The following ISM1 variants were observed in gnomAD, a reference collection of about 807,000 sequenced individuals.
ISM1 encodes the protein isthmin 1.
Under a neutral mutation model 46.3 loss-of-function variants are expected in ISM1, and 25 were observed. The observed-to-expected ratio is 0.54, with a 90% CI of 0.39 to 0.75. The LOEUF is 0.75. ISM1 is among the 30% of genes least tolerant of loss of function. ISM1 has a pLI of 0.00. For missense variants in ISM1, 536 were observed against 625.4 expected, an observed-to-expected ratio of 0.86 and a Z score of 1.52; for synonymous variants, 255 against 256.7, an observed-to-expected ratio of 0.99 and a Z score of 0.06.
chr20:13,300,550 A>G lies in ISM1; in HGVS notation c.*1091A>G, dbSNP rs1166628313. ...GCAATTGTTAATATGACCTGGTCCT[A>G]TGGGGTAGAACTTAGGAAAAATAAA... On this transcript the variant is annotated 3_prime_UTR_variant, in exon 6 of 6. Coordinates refer to ENST00000262487, the MANE Select transcript of ISM1 (RefSeq NM_080826.2). 3 of 152,148 alleles carry G rather than the reference A, an allele frequency of 2.0e-5. No individual in the cohort carries two copies. The highest frequency in any genetic ancestry group is 7.2e-5 in the African/African-American group (3 of 41,438). The allele number at this position is 152,148 out of a possible 1,614,324, so 9.4% of individuals were successfully genotyped here.
At chr20:13,283,591 G>A (rs1299553348) in intron 3 of ISM1, among the ~76,000 whole-genome samples, 1 of 152,216 alleles carries the variant, frequency 6.6e-6, no homozygotes, top group Non-Finnish European at 1.5e-5. Flanking sequence ...ATGAGATGAT[G>A]CTGTGAGTCA....
intron 3 of ISM1, among the ~76,000 whole-genome samples, chr20:13,284,304 G>C (rs969662805): frequency 2.6e-5 from 4 of 152,152 alleles, no homozygotes; most frequent in African/African-American, 9.7e-5. Context: ...ACTAAGAAAG[G>C]ACTACTTTAA....
In ISM1 at chr20:13,299,250, A is replaced by AG; in HGVS notation, c.1190dup (p.Lys398GlnfsTer32). 1 of 1,605,240 alleles carries AG rather than the reference A, an allele frequency of 6.2e-7. No individual in the cohort carries two copies. The highest frequency in any genetic ancestry group is 8.5e-7 in the Non-Finnish European group (1 of 1,175,710). On this transcript the variant is annotated frameshift_variant, in exon 6 of 6. Transcript: ENST00000262487. LOFTEE classifies it high-confidence loss of function. This position sits in a 1 kb window ranked among gnomAD's most constrained non-coding sequence, Gnocchi z 5.8. ...CGGCGACAACATGCAGCTCATCACCAGGGGCAAGGGGGCGGGCACGCCCAA... is the reference window on the plus strand; with the variant it reads ...CGGCGACAACATGCAGCTCATCACCAGGGGGCAAGGGGGCGGGCACGCCCAA...
At chr20:13,253,113 T>A (rs1030119274) in intron 1 of ISM1, among the ~76,000 whole-genome samples, 3 of 152,218 alleles carry the variant, frequency 2.0e-5, no homozygotes, top group African/African-American at 7.2e-5. Flanking sequence ...TTTGGGGTAC[T>A]TGCTACCCAA....
intron 1 of ISM1, among the ~76,000 whole-genome samples, chr20:13,231,587 T>C (rs1006620307): frequency 2.0e-5 from 3 of 152,200 alleles, no homozygotes; most frequent in Non-Finnish European, 4.4e-5. Flanking sequence ...TGGAAAGTTA[T>C]TTTTGTAAAC....
chr20:13,272,007 G>A (rs181382022), intron 2 of ISM1, among the ~76,000 whole-genome samples: 3 of 152,086 alleles, frequency 2.0e-5, no homozygotes, highest in Admixed American at 1.3e-4. Context: ...TCAAACTCCT[G>A]GGCTCAAGCG....
chr20:13,272,195 G>C (rs980252753), intron 2 of ISM1, among the ~76,000 whole-genome samples: 9 of 152,106 alleles, frequency 5.9e-5, no homozygotes, highest in Non-Finnish European at 1.0e-4. Flanking sequence ...TCCTGAACTT[G>C]GACTCAGACC....
rs184602094 is a variant in ISM1 at position 13,279,828 on chromosome 20, C to T, written c.573C>T (p.Asn191=). ...CCTCAGACGACAGCAACTTCCTCAA[C>T]CCCCCCAGGGGGTGGGACCATACAG... The part of the protein sequence containing the change: ...DSTSDDSNFL[N]PPRGWDHTAP... The change falls in exon 3 of 6, where the codon AAC becomes AAT. Residue 191 remains asparagine (N), a synonymous_variant. Coordinates refer to ENST00000262487, the MANE Select transcript of ISM1 (RefSeq NM_080826.2). The T allele has an allele frequency of 2.6e-5, 42 of 1,613,302 alleles. No individual in the cohort carries two copies. In the African/African-American group the frequency reaches 5.1e-4, roughly 19 times the overall value.
chr20:13,288,445 GAA>G (rs2040316542), intron 3 of ISM1, 93 bp from the exon 4 acceptor site: 2 of 1,320,746 alleles, frequency 1.5e-6, no homozygotes, highest in Non-Finnish European at 2.1e-6. Flanking sequence ...CCCACAGCGA[GAA>G]GGATAGAAGT....
chr20:13,263,824 TA>T (rs934164457), intron 1 of ISM1, among the ~76,000 whole-genome samples: 1 of 152,256 alleles, frequency 6.6e-6, no homozygotes, highest in Non-Finnish European at 1.5e-5. Flanking sequence ...GCTAATTAAC[TA>T]TATTGTTAGT....
chr20:13,294,062 G>C (rs1259400215), intron 5 of ISM1, among the ~76,000 whole-genome samples: 1 of 152,140 alleles, frequency 6.6e-6, no homozygotes, highest in Non-Finnish European at 1.5e-5. Flanking sequence ...GTGACAAAAT[G>C]AAAAGCTTTA....
chr20:13,254,888 C>T (rs913373993), intron 1 of ISM1, among the ~76,000 whole-genome samples: 1 of 152,230 alleles, frequency 6.6e-6, no homozygotes, highest in African/African-American at 2.4e-5. Context: ...TTTGTCATTC[C>T]TTCCTTTTCC....
rs151003568 is a variant in ISM1 at position 13,253,721 on chromosome 20, T to C, written c.139-16783T>C. On this transcript the variant is annotated intron_variant, in intron 1 of 5. Transcript: ENST00000262487. ...ACACTGCTGGCCTGGGGCCCCCATTTTGAGAACACATGAATTAAATTAATA... is the reference window on the plus strand; with the variant it reads ...ACACTGCTGGCCTGGGGCCCCCATTCTGAGAACACATGAATTAAATTAATA... Among the ~76,000 whole-genome samples, 342 of 152,282 alleles carry C rather than the reference T, an allele frequency of 2.2e-3. 3 individuals are homozygous for C. Among genetic ancestry groups the C allele is most frequent in the African/African-American group, 7.3e-3 (304 of 41,548 alleles).
downstream of ISM1, among the ~76,000 whole-genome samples, chr20:13,303,831 T>C (rs1308341774): frequency 6.6e-6 from 1 of 152,242 alleles, no homozygotes; most frequent in Non-Finnish European, 1.5e-5. Context: ...TCTGAGATTA[T>C]GGTAAGTGAT....
intron 4 of ISM1, among the ~76,000 whole-genome samples, chr20:13,290,696 G>A (rs2040343690): frequency 6.6e-6 from 1 of 152,004 alleles, no homozygotes. Flanking sequence ...AGATAAAGGT[G>A]AAGAAGAAAA....
the ISM1 span, among the ~76,000 whole-genome samples, chr20:13,311,243 T>TAGATA: frequency 1.6e-5 from 2 of 127,924 alleles, no homozygotes; most frequent in South Asian, 2.7e-4. Context: ...GATAGATAGA[T>TAGATA]GATAGATAGA....
At chr20:13,231,554 GAGCACAGACC>G in intron 1 of ISM1, among the ~76,000 whole-genome samples, 2 of 152,346 alleles carry the variant, frequency 1.3e-5, no homozygotes, top group East Asian at 3.9e-4. Flanking sequence ...TCAACTCCCT[GAGCACAGACC>G]AGCACGTGTC....
the ISM1 span, among the ~76,000 whole-genome samples, chr20:13,326,578 A>G: frequency 6.6e-6 from 1 of 152,098 alleles, no homozygotes. Flanking sequence ...TGGTATCTCA[A>G]CATGTTGTTA....
Position 13,292,378 on chromosome 20 carries a change from T to A in ISM1, c.792T>A (p.Ile264=). 6.3e-7 allele frequency: 1 copy of A among 1,596,258 alleles called. No individual in the cohort carries two copies. The highest frequency in any genetic ancestry group is 1.1e-5 in the South Asian group (1 of 87,742). Reference sequence around the variant, plus strand: ...TGAGCTCTTGTCTGTGTTTAGGAATTGAAGACACTTTTAGGACAGCTGCCA... The same window carrying A: ...TGAGCTCTTGTCTGTGTTTAGGAATAGAAGACACTTTTAGGACAGCTGCCA... ...RTCDRPNCPG[I]EDTFRTAATE... Residue 264 remains isoleucine (I), a synonymous_variant, in exon 5 of 6, where the codon ATT becomes ATA. Transcript: ENST00000262487.
Sources: gnomAD v4.1 joint callset for allele counts (sites outside exome capture counted in the v4.1 genomes callset) on GRCh38, gnomAD v4.1.1 for gene constraint, Gnocchi (gnomAD v3.1) non-coding constraint, MANE v1.5 for transcripts, NCBI Gene and HGNC (gene_info 2026-07-23, HGNC 2026-07-21) for gene names.